CNBD1: variants seen among roughly 807,000 people sequenced by gnomAD.
CNBD1 encodes cyclic nucleotide-binding domain-containing protein 1.
A neutral mutation model predicts 54.4 loss-of-function variants in CNBD1; 71 were observed. The ratio of observed to expected loss-of-function variants is 1.30; its 90% confidence interval spans 1.08 to 1.59. CNBD1 has a LOEUF of 1.59. Among genes scored for constraint, CNBD1 ranks in the 40% most tolerant of loss-of-function variants. The pLI is 0.00. For synonymous variants in CNBD1, 182 were observed against 170.7 expected (o/e 1.07, Z -0.51); for missense variants, 659 against 518.0 (o/e 1.27, Z -2.64).
chr8:87,303,524 C>A (rs1269214438), intron 8 of CNBD1, among the ~76,000 whole-genome samples: 1 of 151,916 alleles, frequency 6.6e-6, no homozygotes, highest in Non-Finnish European at 1.5e-5. Context: ...GACCTAAAAC[C>A]ATAAAAACCC....
intron 3 of CNBD1, among the ~76,000 whole-genome samples, chr8:86,939,166 G>A (rs1809605173): frequency 1.3e-5 from 2 of 152,004 alleles, no homozygotes; most frequent in African/African-American, 2.4e-5. Context: ...CTTCCAAGAT[G>A]TTTATAGATT....
At chr8:87,330,530 T>G (rs1348749618) in intron 8 of CNBD1, among the ~76,000 whole-genome samples, 1 of 152,160 alleles carries the variant, frequency 6.6e-6, no homozygotes, top group Non-Finnish European at 1.5e-5. Context: ...TCTTGAGATT[T>G]TATCTTTGAC....
intron 2 of CNBD1, among the ~76,000 whole-genome samples, chr8:87,417,805 G>C (rs13266119): frequency 0.13 from 19,108 of 151,364 alleles, 1,594 homozygotes; most frequent in Middle Eastern, 0.2. Context: ...ATCAATATTA[G>C]TATCAATATA....
At chr8:86,895,378 G>A (rs1808835044) in intron 2 of CNBD1, among the ~76,000 whole-genome samples, 1 of 151,922 alleles carries the variant, frequency 6.6e-6, no homozygotes, top group African/African-American at 2.4e-5. Context: ...GCACATCTTG[G>A]TTGCTTTCAA....
chr8:87,345,234 G>A (rs920577328), intron 8 of CNBD1, among the ~76,000 whole-genome samples: 1 of 152,106 alleles, frequency 6.6e-6, no homozygotes, highest in African/African-American at 2.4e-5. Context: ...CCTTCCATGT[G>A]TATTTAGATT....
chr8:87,130,535 G>T (rs1254487004), intron 4 of CNBD1, among the ~76,000 whole-genome samples: 4 of 152,068 alleles, frequency 2.6e-5, no homozygotes, highest in African/African-American at 9.7e-5. Context: ...CTAGCACTTT[G>T]GGAGGCCAAG....
At chr8:86,911,380 T>C (rs1247492678) in intron 3 of CNBD1, among the ~76,000 whole-genome samples, 1 of 152,210 alleles carries the variant, frequency 6.6e-6, no homozygotes, top group African/African-American at 2.4e-5. Context: ...TTTAAGGAAA[T>C]GTTAGTAATT....
downstream of CNBD1, among the ~76,000 whole-genome samples, chr8:87,386,245 G>A (rs1001883250): frequency 5.9e-5 from 9 of 152,114 alleles, no homozygotes; most frequent in Non-Finnish European, 7.3e-5. Flanking sequence ...CACCAGCAAC[G>A]GAACAAAGCT....
intron 3 of CNBD1, among the ~76,000 whole-genome samples, chr8:86,934,813 A>G (rs998189814): frequency 2.6e-5 from 4 of 152,138 alleles, no homozygotes; most frequent in Non-Finnish European, 4.4e-5. Context: ...AGGCTTTGTT[A>G]TCTTCTAAAA....
chr8:87,298,323 G>C (rs1219964801), intron 8 of CNBD1, among the ~76,000 whole-genome samples: 2 of 151,922 alleles, frequency 1.3e-5, no homozygotes, highest in Non-Finnish European at 2.9e-5. Context: ...AGTATTAACT[G>C]CTTAGGTTCC....
chr8:87,404,090 T>G (rs6985617), intron 2 of CNBD1, among the ~76,000 whole-genome samples: 85,989 of 151,794 alleles, frequency 0.57, 25,852 homozygotes, highest in African/African-American at 0.77. Context: ...TGAAAGGCCA[T>G]ATTCAGGGAA....
At chr8:87,428,238 C>T (rs578016521) in intron 2 of CNBD1, among the ~76,000 whole-genome samples, 53 of 151,942 alleles carry the variant, frequency 3.5e-4, no homozygotes, top group African/African-American at 1.2e-3. Context: ...AATCTGCCAG[C>T]GGATAAATGA....
At chr8:87,386,314 C>A (rs988052128), downstream of CNBD1, among the ~76,000 whole-genome samples, 1 of 151,930 alleles carries the variant, frequency 6.6e-6, no homozygotes, top group Non-Finnish European at 1.5e-5. Context: ...CAAACTACTC[C>A]GAGCTAAAGC....
At chr8:87,330,965 A>G (rs963266645) in intron 8 of CNBD1, among the ~76,000 whole-genome samples, 1 of 152,186 alleles carries the variant, frequency 6.6e-6, no homozygotes, top group African/African-American at 2.4e-5. Context: ...TCTGTCTTTT[A>G]ATTGGTGCAT....
At chr8:87,209,880 G>A (rs578245484) in intron 5 of CNBD1, among the ~76,000 whole-genome samples, 2 of 152,226 alleles carry the variant, frequency 1.3e-5, no homozygotes, top group South Asian at 2.1e-4. Flanking sequence ...GAATTGCATT[G>A]CCCATAATCT....
chr8:87,285,394 T>C (rs1808674059), intron 7 of CNBD1, among the ~76,000 whole-genome samples: 1 of 152,146 alleles, frequency 6.6e-6, no homozygotes, highest in Non-Finnish European at 1.5e-5. Flanking sequence ...CCAAATTTTT[T>C]CTTGACTCCT....
chr8:87,005,228 G>A (rs1377752920), intron 4 of CNBD1, among the ~76,000 whole-genome samples: 1 of 151,896 alleles, frequency 6.6e-6, no homozygotes, highest in Non-Finnish European at 1.5e-5. Flanking sequence ...AAATTAGCCG[G>A]GCACGGTGGC....
At chr8:87,355,162 A>T (rs571480261) in intron 10 of CNBD1, among the ~76,000 whole-genome samples, 1 of 152,364 alleles carries the variant, frequency 6.6e-6, no homozygotes, top group South Asian at 2.1e-4. Flanking sequence ...CAAAGACAAC[A>T]TAGCTATACA....
chr8:86,953,400 CAAAG>C (rs1245856667), intron 4 of CNBD1, among the ~76,000 whole-genome samples: 1 of 152,164 alleles, frequency 6.6e-6, no homozygotes, highest in African/African-American at 2.4e-5. Flanking sequence ...ACACAATTAA[CAAAG>C]AAATTTGGTC....
Sources: allele counts gnomAD v4.1 joint callset (sites outside exome capture counted in the v4.1 genomes callset), GRCh38; gene constraint gnomAD v4.1.1; transcripts MANE v1.5; gene names NCBI Gene and HGNC (gene_info 2026-07-23, HGNC 2026-07-21).